The following PKP4 variants were observed in gnomAD, a reference collection of about 807,000 sequenced individuals.
The protein encoded by PKP4 is plakophilin-4.
A neutral mutation model predicts 145.1 loss-of-function variants in PKP4; 90 were observed. That is an observed-to-expected ratio of 0.62 (90% CI 0.52 to 0.74). PKP4 has a LOEUF of 0.74. Ranked by LOEUF, PKP4 falls within the 30% of genes least tolerant of loss-of-function variation. PKP4 has a pLI of 0.00. For synonymous variants in PKP4, 563 were observed against 577.2 expected (o/e 0.98, Z 0.35); for missense variants, 1,340 against 1,482.7 (o/e 0.90, Z 1.58).
At chr2:158,668,871 G>A (rs1275502216) in intron 16 of PKP4, among the ~76,000 whole-genome samples, 1 of 152,204 alleles carries the variant, frequency 6.6e-6, no homozygotes, top group Non-Finnish European at 1.5e-5. Flanking sequence ...TATTAGCATA[G>A]GGGAGAACTA....
chr2:158,585,733 A>G (rs2048743204), intron 3 of PKP4, among the ~76,000 whole-genome samples: 1 of 152,182 alleles, frequency 6.6e-6, no homozygotes, highest in South Asian at 2.1e-4. Context: ...CACCAGGCAA[A>G]ACCTGAGAGT....
At chr2:158,491,180 G>T (rs542103865) in intron 1 of PKP4, among the ~76,000 whole-genome samples, 1 of 152,184 alleles carries the variant, frequency 6.6e-6, no homozygotes, top group East Asian at 1.9e-4. Flanking sequence ...TTCTGTGATG[G>T]TTATTTAGAT....
At chr2:158,615,717 A>G (rs1348641344) in intron 4 of PKP4, among the ~76,000 whole-genome samples, 1 of 152,188 alleles carries the variant, frequency 6.6e-6, no homozygotes, top group Admixed American at 6.5e-5. Flanking sequence ...AAATTTGCTT[A>G]TACTATAGAT....
At chr2:158,462,931 T>C (rs1035147293) in intron 1 of PKP4, among the ~76,000 whole-genome samples, 4 of 152,218 alleles carry the variant, frequency 2.6e-5, no homozygotes, top group African/African-American at 4.8e-5. Context: ...TACATTGAAA[T>C]AATTATTTTT....
At chr2:158,509,879 G>T (rs1226624665) in intron 1 of PKP4, among the ~76,000 whole-genome samples, 1 of 150,668 alleles carries the variant, frequency 6.6e-6, no homozygotes, top group East Asian at 2.0e-4. Flanking sequence ...CCCAGGACGT[G>T]GAGGTTGCGG....
intron 1 of PKP4, among the ~76,000 whole-genome samples, chr2:158,513,651 C>T (rs2041703008): frequency 6.6e-6 from 1 of 152,192 alleles, no homozygotes; most frequent in Non-Finnish European, 1.5e-5. Context: ...CTTTTACTCT[C>T]CTGACTCCAG....
intron 1 of PKP4, among the ~76,000 whole-genome samples, chr2:158,515,673 G>T (rs2041879833): frequency 6.6e-6 from 1 of 152,120 alleles, no homozygotes; most frequent in Non-Finnish European, 1.5e-5. Flanking sequence ...ATCTACATTT[G>T]CTCATGAATG....
At chr2:158,465,911 G>C (rs1000234402) in intron 1 of PKP4, among the ~76,000 whole-genome samples, 1 of 152,196 alleles carries the variant, frequency 6.6e-6, no homozygotes, top group Admixed American at 6.5e-5. Context: ...GTCTAATTCA[G>C]ACTGTCAACA....
chr2:158,634,655 C>T (rs963153504), intron 9 of PKP4, among the ~76,000 whole-genome samples: 2 of 152,126 alleles, frequency 1.3e-5, no homozygotes, highest in Non-Finnish European at 2.9e-5. Context: ...CCGACTTCTT[C>T]GATAACAGCT....
intron 2 of PKP4, among the ~76,000 whole-genome samples, chr2:158,574,128 C>T (rs1472628847): frequency 2.0e-5 from 3 of 152,190 alleles, no homozygotes; most frequent in African/African-American, 7.2e-5. Context: ...GAAGTAAATA[C>T]AAAGAAAAGC....
chr2:158,593,858 A>AC (rs2049488288), intron 3 of PKP4, among the ~76,000 whole-genome samples: 1 of 152,208 alleles, frequency 6.6e-6, no homozygotes. Context: ...CATGAATAAG[A>AC]CCAAACATGT....
chr2:158,559,713 T>A (rs999571841), intron 2 of PKP4, among the ~76,000 whole-genome samples: 1 of 151,794 alleles, frequency 6.6e-6, no homozygotes, highest in African/African-American at 2.4e-5. Context: ...AAGGGCAGAG[T>A]TTTTTTTGTT....
intron 2 of PKP4, among the ~76,000 whole-genome samples, chr2:158,549,764 A>G (rs950325346): frequency 6.6e-6 from 1 of 152,224 alleles, no homozygotes; most frequent in African/African-American, 2.4e-5. Flanking sequence ...TATTCACAAA[A>G]GTTTAAAAAG....
intron 1 of PKP4, among the ~76,000 whole-genome samples, chr2:158,498,348 G>A (rs2105486135): frequency 6.6e-6 from 1 of 152,140 alleles, no homozygotes; most frequent in South Asian, 2.1e-4. Context: ...GACTGAGAAT[G>A]GGGAAAATCA....
chr2:158,642,771 C>A, intron 11 of PKP4, 72 bp downstream of exon 11: 1 of 1,128,740 alleles, frequency 8.9e-7, no homozygotes, highest in Non-Finnish European at 1.3e-6. Flanking sequence ...TGTATAGTGG[C>A]ACTATGGAAG....
intron 1 of PKP4, among the ~76,000 whole-genome samples, chr2:158,532,891 G>A (rs1230928936): frequency 6.6e-6 from 1 of 152,106 alleles, no homozygotes; most frequent in Non-Finnish European, 1.5e-5. Context: ...TCTGCAATTG[G>A]TAAAACATTC....
At chr2:158,654,756 C>T (rs1364520202) in intron 11 of PKP4, among the ~76,000 whole-genome samples, 1 of 151,958 alleles carries the variant, frequency 6.6e-6, no homozygotes. Flanking sequence ...CAAAAAGGCA[C>T]AAAGGGGAGG....
In PKP4 at chr2:158,604,909, A is replaced by G. The variant is rs139166704; in HGVS notation, c.280+1805A>G. Among the ~76,000 whole-genome samples, 526 of 152,346 alleles carry G rather than the reference A, an allele frequency of 3.5e-3. 2 individuals carry two copies. Among genetic ancestry groups the G allele is most frequent in the African/African-American group, 0.012 (509 of 41,586 alleles). On this transcript the variant is annotated intron_variant, in intron 4 of 21. Coordinates refer to ENST00000389759, the MANE Select transcript of PKP4 (RefSeq NM_003628.6). ...AAGGGACAACTGAGTTAGAGAAAGC[A>G]TGCCTGAAACCTAGGAGAGCAGCCT...
intron 7 of PKP4, among the ~76,000 whole-genome samples, chr2:158,628,719 A>T (rs1334956127): frequency 6.6e-6 from 1 of 152,232 alleles, no homozygotes; most frequent in Non-Finnish European, 1.5e-5. Flanking sequence ...AACCTTTCAG[A>T]TTGCATGGAT....
Sources: gnomAD v4.1 joint callset for allele counts (sites outside exome capture counted in the v4.1 genomes callset) on GRCh38, gnomAD v4.1.1 for gene constraint, MANE v1.5 for transcripts, NCBI Gene and HGNC (gene_info 2026-07-23, HGNC 2026-07-21) for gene names.